SLC30A8: variants seen among roughly 807,000 people sequenced by gnomAD.
SLC30A8 encodes solute carrier family 30 member 8.
A neutral mutation model predicts 36.9 loss-of-function variants in SLC30A8; 27 were observed. The ratio of observed to expected loss-of-function variants is 0.73; its 90% CI spans 0.54 to 1.01. SLC30A8 has a LOEUF of 1.01. Ranked by LOEUF, SLC30A8 falls within the 50% of genes least tolerant of loss-of-function variation. SLC30A8 has a pLI of 0.00. For synonymous variants in SLC30A8, 164 were observed against 172.4 expected (o/e 0.95, Z 0.38); for missense variants, 439 against 452.0 (o/e 0.97, Z 0.26).
At chr8:117,077,274 G>A (rs7815720) in intron 2 of SLC30A8, among the ~76,000 whole-genome samples, 18,210 of 152,172 alleles carry the variant, frequency 0.12, 1,165 homozygotes, top group East Asian at 0.14. Context: ...TAGTGACAAA[G>A]GGAAAGCCTT....
chr8:117,067,169 C>T (rs981514198), intron 2 of SLC30A8, among the ~76,000 whole-genome samples: 2 of 152,022 alleles, frequency 1.3e-5, no homozygotes, highest in African/African-American at 4.8e-5. Context: ...GGTAACCAGC[C>T]CCATGATTCA....
intron 1 of SLC30A8, among the ~76,000 whole-genome samples, chr8:116,985,186 T>G (rs1477369766): frequency 6.6e-6 from 1 of 151,978 alleles, no homozygotes; most frequent in East Asian, 1.9e-4. Flanking sequence ...AAAATTTGCC[T>G]TTACTTCTTC....
At chr8:117,084,907 C>T (rs1490697868) in intron 2 of SLC30A8, among the ~76,000 whole-genome samples, 1 of 152,048 alleles carries the variant, frequency 6.6e-6, no homozygotes, top group Non-Finnish European at 1.5e-5. Flanking sequence ...TGTTTGACTC[C>T]TCTTCTTCCT....
intron 2 of SLC30A8, among the ~76,000 whole-genome samples, chr8:117,106,260 T>C (rs1297523692): frequency 1.3e-5 from 2 of 152,232 alleles, no homozygotes; most frequent in Non-Finnish European, 2.9e-5. Context: ...AGTAGATTTT[T>C]ATTTTCATTT....
At chr8:117,090,807 C>T in intron 2 of SLC30A8, among the ~76,000 whole-genome samples, 1 of 152,186 alleles carries the variant, frequency 6.6e-6, no homozygotes, top group Non-Finnish European at 1.5e-5. Flanking sequence ...ACTTAGCTCT[C>T]TGTATTTGTC....
intron 1 of SLC30A8, among the ~76,000 whole-genome samples, chr8:117,029,100 A>C (rs1028292578): frequency 2.0e-5 from 3 of 152,208 alleles, no homozygotes; most frequent in African/African-American, 7.2e-5. Flanking sequence ...CTAAACAGAA[A>C]TAGTATCTTT....
At chr8:117,155,140 A>G (rs187043952) in intron 3 of SLC30A8, among the ~76,000 whole-genome samples, 75 of 152,276 alleles carry the variant, frequency 4.9e-4, no homozygotes, top group Non-Finnish European at 7.9e-4. Flanking sequence ...TTTTTTAAGC[A>G]ATCATTGTAA....
intron 1 of SLC30A8, among the ~76,000 whole-genome samples, chr8:117,015,252 A>G (rs987123674): frequency 2.0e-5 from 3 of 152,118 alleles, no homozygotes; most frequent in Non-Finnish European, 2.9e-5. Flanking sequence ...ACAAAAAACC[A>G]TGTATCATTA....
At chr8:117,088,639 G>A (rs1407636434) in intron 2 of SLC30A8, among the ~76,000 whole-genome samples, 12 of 152,176 alleles carry the variant, frequency 7.9e-5, no homozygotes, top group Admixed American at 3.3e-4. Context: ...TTGTTTTCCT[G>A]TCTGCTAGCT....
chr8:117,169,050 T>C (rs537728304), intron 6 of SLC30A8, among the ~76,000 whole-genome samples: 1 of 152,196 alleles, frequency 6.6e-6, no homozygotes, highest in Non-Finnish European at 1.5e-5. Context: ...AAGTTTGTTA[T>C]TATTATTATG....
intron 2 of SLC30A8, among the ~76,000 whole-genome samples, chr8:117,050,408 C>CT (rs35839871): frequency 1.3e-3 from 180 of 143,926 alleles, no homozygotes; most frequent in Admixed American, 2.3e-3. Context: ...TGATTTCTTT[C>CT]TTTTTTTTTT....
intron 1 of SLC30A8, among the ~76,000 whole-genome samples, chr8:116,956,478 A>G (rs981786472): frequency 4.6e-5 from 7 of 152,226 alleles, no homozygotes; most frequent in African/African-American, 1.4e-4. Context: ...TGGGTCGTCT[A>G]TACTATAGTA....
chr8:117,151,444 T>C (rs1450133763), intron 2 of SLC30A8, among the ~76,000 whole-genome samples: 1 of 152,242 alleles, frequency 6.6e-6, no homozygotes, highest in East Asian at 1.9e-4. Context: ...AAACTACCTC[T>C]TGCAAGCAGT....
intron 1 of SLC30A8, among the ~76,000 whole-genome samples, chr8:117,011,557 T>C (rs1816345103): frequency 6.6e-6 from 1 of 152,194 alleles, no homozygotes; most frequent in Non-Finnish European, 1.5e-5. Context: ...GAAGTCACTT[T>C]TTGCCAGCCT....
chr8:117,109,683 C>T (rs747830233), intron 2 of SLC30A8, among the ~76,000 whole-genome samples: 1 of 152,172 alleles, frequency 6.6e-6, no homozygotes, highest in Non-Finnish European at 1.5e-5. Flanking sequence ...TAAACTGCAA[C>T]ATCGGTATTT....
intron 1 of SLC30A8, among the ~76,000 whole-genome samples, chr8:117,031,269 A>G (rs961762631): frequency 2.0e-5 from 3 of 152,216 alleles, no homozygotes; most frequent in Non-Finnish European, 2.9e-5. Context: ...AGATGTTGCC[A>G]TTAGGCCATT....
At chr8:117,000,808 TG>T (rs1815985175) in intron 1 of SLC30A8, among the ~76,000 whole-genome samples, 3 of 152,182 alleles carry the variant, frequency 2.0e-5, no homozygotes. Flanking sequence ...TGTGTGAACT[TG>T]GGTAAGTTAC....
At chr8:117,017,301 T>G (rs1192650499) in intron 1 of SLC30A8, among the ~76,000 whole-genome samples, 1 of 152,222 alleles carries the variant, frequency 6.6e-6, no homozygotes, top group Admixed American at 6.5e-5. Flanking sequence ...TTTTCTCTTG[T>G]GTTCTAATAT....
intron 4 of SLC30A8, among the ~76,000 whole-genome samples, chr8:117,160,649 C>A (rs953067995): frequency 6.6e-5 from 10 of 152,164 alleles, no homozygotes; most frequent in African/African-American, 2.4e-4. Context: ...ACGTGATGAA[C>A]ACACATGGCA....
Sources: gnomAD v4.1 joint callset for allele counts (sites outside exome capture counted in the v4.1 genomes callset) on GRCh38, gnomAD v4.1.1 for gene constraint, MANE v1.5 for transcripts, NCBI Gene and HGNC (gene_info 2026-07-23, HGNC 2026-07-21) for gene names.